ASTN2: variants seen among roughly 807,000 people sequenced by gnomAD.
The protein encoded by ASTN2 is astrotactin-2.
A neutral mutation model predicts 139.8 loss-of-function variants in ASTN2; 54 were observed. The observed-to-expected ratio is 0.39, with a 90% CI of 0.31 to 0.48. ASTN2 has a LOEUF of 0.48. Ranked by LOEUF, ASTN2 falls within the 20% of genes least tolerant of loss-of-function variation. ASTN2 has a pLI of 0.95. For missense variants in ASTN2, 1,565 were observed against 1,725.1 expected, an observed-to-expected ratio of 0.91 and a Z score of 1.64; for synonymous variants, 756 against 719.5, an observed-to-expected ratio of 1.05 and a Z score of -0.81.
intron 3 of ASTN2, among the ~76,000 whole-genome samples, chr9:117,151,101 G>A (rs977757562): frequency 6.6e-6 from 1 of 151,900 alleles, no homozygotes; most frequent in Non-Finnish European, 1.5e-5. Context: ...TGGCTCAAGG[G>A]GTCCTCCCAC....
intron 3 of ASTN2, among the ~76,000 whole-genome samples, chr9:117,197,630 C>T (rs1831550208): frequency 1.3e-5 from 2 of 152,214 alleles, no homozygotes; most frequent in East Asian, 1.9e-4. Flanking sequence ...CATCCATATA[C>T]ATATGTATGT....
chr9:116,586,837 C>CACACACACACACAT (rs1554717132), intron 19 of ASTN2, among the ~76,000 whole-genome samples: 6 of 149,234 alleles, frequency 4.0e-5, no homozygotes, highest in African/African-American at 1.2e-4. Flanking sequence ...TACATACACA[C>CACACACACACACAT]ACACACACAC....
intron 1 of ASTN2, among the ~76,000 whole-genome samples, chr9:117,397,906 AC>A (rs561709567): frequency 1.9e-3 from 284 of 152,178 alleles, no homozygotes; most frequent in Non-Finnish European, 3.4e-3. Flanking sequence ...AGAGACACCC[AC>A]CCCCGACAGG....
intron 10 of ASTN2, among the ~76,000 whole-genome samples, chr9:116,924,017 C>G (rs575855789): frequency 6.6e-6 from 1 of 152,204 alleles, no homozygotes; most frequent in South Asian, 2.1e-4. Flanking sequence ...AATCCAGAAC[C>G]CAATAGAGGG....
chr9:116,790,622 G>T (rs1564268456), intron 13 of ASTN2, among the ~76,000 whole-genome samples: 1 of 151,784 alleles, frequency 6.6e-6, no homozygotes, highest in Non-Finnish European at 1.5e-5. Context: ...TTGATGAGTA[G>T]TCCTTCTGCA....
intron 17 of ASTN2, among the ~76,000 whole-genome samples, chr9:116,637,037 A>G (rs1321549255): frequency 6.6e-6 from 1 of 152,224 alleles, no homozygotes; most frequent in African/African-American, 2.4e-5. Flanking sequence ...TTGGAAGCAG[A>G]GAGCAACCCT....
At position 116,975,335 on chromosome 9, in the gene ASTN2, T is replaced by C; in HGVS notation, c.1762A>G (p.Ser588Gly). The change falls in exon 10 of 23, where the codon AGC becomes GGC. Residue 588 changes from serine to glycine, a missense_variant. This residue lies in a region of ASTN2 where 503 missense variants were observed against 591.7 expected (regional missense o/e 0.85). Transcript: ENST00000313400. ...APEKILRSTF[S>G]LGQGLWLPVS... ...GGAAGCCAGAGGCCTTGGCCCAAGC[T>C]GAAAGTAGACCTGCAATGTAAGAGT... 2 of 1,608,868 alleles carry C rather than the reference T, an allele frequency of 1.2e-6. No individual in the cohort carries two copies.
chr9:117,314,625 A>G (rs1175780078), intron 1 of ASTN2, among the ~76,000 whole-genome samples: 1 of 146,940 alleles, frequency 6.8e-6, no homozygotes, highest in African/African-American at 2.5e-5. Flanking sequence ...TATAATATAC[A>G]ATATATAATT....
At chr9:116,439,843 T>C (rs564566397) in intron 22 of ASTN2, among the ~76,000 whole-genome samples, 1 of 152,344 alleles carries the variant, frequency 6.6e-6, no homozygotes, top group African/African-American at 2.4e-5. Context: ...ATCATGACGC[T>C]TATTATTCCT....
intron 2 of ASTN2, among the ~76,000 whole-genome samples, chr9:117,258,487 G>A (rs902991853): frequency 6.6e-6 from 1 of 152,132 alleles, no homozygotes; most frequent in South Asian, 2.1e-4. Flanking sequence ...AGCAAAGGAG[G>A]TGGATAAAGT....
chr9:117,331,453 G>C (rs1013880077), intron 1 of ASTN2, among the ~76,000 whole-genome samples: 4 of 152,054 alleles, frequency 2.6e-5, no homozygotes, highest in Non-Finnish European at 5.9e-5. Flanking sequence ...ATTGAGCCTC[G>C]GTGTTCTCAT....
intron 7 of ASTN2, among the ~76,000 whole-genome samples, chr9:116,987,709 T>G (rs1187942435): frequency 6.6e-6 from 1 of 152,222 alleles, no homozygotes; most frequent in East Asian, 1.9e-4. Context: ...TAACATTTAA[T>G]TTATAAATTA....
intron 11 of ASTN2, among the ~76,000 whole-genome samples, chr9:116,830,793 A>C (rs911214264): frequency 1.3e-5 from 2 of 149,500 alleles, no homozygotes; most frequent in Non-Finnish European, 3.0e-5. Flanking sequence ...CCCTATGTCA[A>C]AAAAAAAAAA....
intron 22 of ASTN2, among the ~76,000 whole-genome samples, chr9:116,432,609 G>A (rs183114034): frequency 6.6e-6 from 1 of 152,224 alleles, no homozygotes; most frequent in Admixed American, 6.5e-5. Flanking sequence ...TTCCTCTGGT[G>A]TCCAGCTCTT....
chr9:117,357,849 G>A (rs1022869722), intron 1 of ASTN2, among the ~76,000 whole-genome samples: 3 of 152,080 alleles, frequency 2.0e-5, no homozygotes, highest in African/African-American at 7.2e-5. Context: ...TGGAAGTCTG[G>A]GTACCTAACC....
intron 2 of ASTN2, among the ~76,000 whole-genome samples, chr9:117,270,846 C>T (rs1834046316): frequency 6.6e-6 from 1 of 152,170 alleles, no homozygotes; most frequent in South Asian, 2.1e-4. Flanking sequence ...AAGTGGAATG[C>T]ATTCTTTTAA....
At chr9:117,287,175 GA>G (rs1834471315) in intron 2 of ASTN2, among the ~76,000 whole-genome samples, 1 of 152,172 alleles carries the variant, frequency 6.6e-6, no homozygotes, top group African/African-American at 2.4e-5. Context: ...GGGCATTTGT[GA>G]GTGTGATCTC....
chr9:117,394,039 C>T (rs75826855), intron 1 of ASTN2, among the ~76,000 whole-genome samples: 4,052 of 152,202 alleles, frequency 0.027, 172 homozygotes, highest in African/African-American at 0.092. Flanking sequence ...TATTAGCAAC[C>T]CTTGGTGTCT....
chr9:116,538,183 G>A (rs1029815239), intron 19 of ASTN2, among the ~76,000 whole-genome samples: 1 of 152,004 alleles, frequency 6.6e-6, no homozygotes, highest in Non-Finnish European at 1.5e-5. Context: ...AAGAAGAAAG[G>A]GAGGGAGGAA....
Sources: gnomAD v4.1 joint callset for allele counts (sites outside exome capture counted in the v4.1 genomes callset) on GRCh38, gnomAD v4.1.1 for gene constraint, gnomAD v4.1.1 regional missense constraint, MANE v1.5 for transcripts, NCBI Gene and HGNC (gene_info 2026-07-23, HGNC 2026-07-21) for gene names.